The following DDX43 variants were observed in gnomAD, a reference collection of about 807,000 sequenced individuals.
The protein encoded by DDX43 is probable ATP-dependent RNA helicase DDX43.
In DDX43, 50 loss-of-function variants were observed where a neutral mutation model predicts 84.9. That is an observed-to-expected ratio of 0.59 (90% confidence interval 0.47 to 0.75). The LOEUF is 0.75. Ranked by LOEUF, DDX43 falls within the 30% of genes least tolerant of loss-of-function variation. DDX43 has a pLI of 0.00. For synonymous variants in DDX43, 291 were observed against 266.3 expected (o/e 1.09, Z -0.90); for missense variants, 689 against 798.6 (o/e 0.86, Z 1.65).
Position 73,406,479 on chromosome 6 carries a change from C to G in DDX43, c.923C>G (p.Pro308Arg). ...GGATTTATTCATCTGGTCCTTCAACCCAGGTAAGAATTCCTATGGCTGGTT... is the reference window on the plus strand; with the variant it reads ...GGATTTATTCATCTGGTCCTTCAACGCAGGTAAGAATTCCTATGGCTGGTT... ...MPGFIHLVLQ[P>R]SLKGQRNRPG... is the part of the protein sequence containing the mutation. Residue 308 changes from proline (P) to arginine (R), a missense_variant, in exon 7 of 17, where the codon CCC (proline) becomes CGC (arginine). Around this residue, in one of 2 missense-constraint regions of DDX43, gnomAD observed 552 missense variants for 692.7 expected, o/e 0.80. Coordinates refer to ENST00000370336, the MANE Select transcript of DDX43 (RefSeq NM_018665.3). 6.3e-7 allele frequency: 1 copy of G among 1,595,600 alleles called. No individual in the cohort carries two copies. Among genetic ancestry groups the G allele is most frequent in the Non-Finnish European group, 8.6e-7 (1 of 1,164,078 alleles).
At chr6:73,400,167 G>A in intron 2 of DDX43, 67 bp from the exon 3 acceptor site, 1 of 1,413,582 alleles carries the variant, frequency 7.1e-7, no homozygotes, top group Non-Finnish European at 9.6e-7. Context: ...GGGGTTAGGG[G>A]CTTAGGGAAC....
Position 73,416,184 on chromosome 6 carries a change from A to G in DDX43, c.1905A>G (p.Arg635=). ...ATCAACAGAAAAGGGAAATGGAAAG[A>G]AAAATGGAAAGACCTCAAGGAAGGC... The part of the protein sequence containing the change: ...KAHQQKREME[R]KMERPQGRPK... Residue 635 remains arginine (R), a synonymous_variant, in exon 16 of 17, where the codon AGA becomes AGG. Coordinates refer to ENST00000370336, the MANE Select transcript of DDX43 (RefSeq NM_018665.3). 1 of 1,598,502 alleles carries G rather than the reference A, an allele frequency of 6.3e-7. No homozygotes were observed. Among genetic ancestry groups the G allele is most frequent in the Non-Finnish European group, 8.6e-7 (1 of 1,165,666 alleles).
At chr6:73,407,863 G>T (rs1769712371) in intron 8 of DDX43, 97 bp from the exon 9 acceptor site, 1 of 1,216,668 alleles carries the variant, frequency 8.2e-7, no homozygotes, top group Non-Finnish European at 1.2e-6. Context: ...ACCCCTAAAG[G>T]TACCTGATAA....
chr6:73,403,207 G>A lies in DDX43; in HGVS notation c.568+1217G>A, dbSNP rs139631047. 5.1e-3 allele frequency among the ~76,000 whole-genome samples: 773 copies of A among 152,240 alleles called. 10 individuals carry two copies. Among genetic ancestry groups the A allele is most frequent in the African/African-American group, 0.018 (736 of 41,574 alleles). ...AGTTAGGCCGGGCCCAGTGGCTCAC[G>A]CCTGTAATCCCAGCACTTTGGGAGG... On this transcript the variant is annotated intron_variant, in intron 4 of 16. Coordinates refer to ENST00000370336, the MANE Select transcript of DDX43 (RefSeq NM_018665.3).
In DDX43 at chr6:73,416,211, C is replaced by A. The variant is rs750464421; in HGVS notation, c.1932C>A (p.Pro644=). The change falls in exon 16 of 17, where the codon CCC becomes CCA. Residue 644 remains proline (P), a synonymous_variant. Coordinates refer to ENST00000370336, the MANE Select transcript of DDX43 (RefSeq NM_018665.3). ...AAATGGAAAGACCTCAAGGAAGGCC[C>A]AAGAAGTTTCATTAATGTCTTCTGT... The part of the protein sequence containing the change: ...ERKMERPQGR[P]KKFH 5.1e-6 allele frequency: 8 copies of A among 1,578,310 alleles called. No homozygotes were observed. Among genetic ancestry groups the A allele is most frequent in the Middle Eastern group, 1.7e-4 (1 of 6,022 alleles).
rs765845047 is a variant in DDX43 at position 73,414,732 on chromosome 6, C to T, written c.1745+46C>T. 2.5e-5 allele frequency: 38 copies of T among 1,528,028 alleles called. 1 individual carries two copies. In the Admixed American group the frequency reaches 7.8e-4, roughly 31 times the overall value. 94.7% of individuals were successfully genotyped at this position (1,528,028 alleles called of 1,614,324 possible). A position where few individuals can be genotyped will look rare whatever the true frequency, so the allele number is the denominator to read the frequency against. ...CATGAAAGGCCAATTCTAGATTCTCCTTATTCCTCTCACAAACTTCTTGCC... is the reference window on the plus strand; with the variant it reads ...CATGAAAGGCCAATTCTAGATTCTCTTTATTCCTCTCACAAACTTCTTGCC... On this transcript the variant is annotated intron_variant, in intron 14 of 16. Transcript: ENST00000370336.
At chr6:73,412,669 G>GCGCA (rs1554236168) in intron 11 of DDX43, among the ~76,000 whole-genome samples, 1 of 29,190 alleles carries the variant, frequency 3.4e-5, no homozygotes, top group Non-Finnish European at 9.1e-5. Flanking sequence ...GTGTGTGTGT[G>GCGCA]CGCGCGCGCG....
chr6:73,406,535 AT>A, intron 7 of DDX43, 53 bp downstream of exon 7: 2 of 1,149,432 alleles, frequency 1.7e-6, no homozygotes, highest in Non-Finnish European at 2.6e-6. Context: ...AGATTTAGAT[AT>A]CAAAAATGTA....
chr6:73,415,706 T>A (rs1294401308), intron 15 of DDX43, 122 bp downstream of exon 15: 5 of 655,984 alleles, frequency 7.6e-6, no homozygotes, highest in Admixed American at 2.9e-5. Context: ...TTTTGAGGGC[T>A]TTAGCATGGC....
chr6:73,403,666 T>G (rs1189019095), intron 4 of DDX43, among the ~76,000 whole-genome samples: 1 of 152,144 alleles, frequency 6.6e-6, no homozygotes, highest in Non-Finnish European at 1.5e-5. Context: ...TTATTAAATT[T>G]TTTTTGAGGG....
rs562913361 is a variant in DDX43, at chr6:73,411,003, G to A, written c.1281-1202G>A. Among the ~76,000 whole-genome samples, 10 of 151,866 alleles carry A rather than the reference G, an allele frequency of 6.6e-5. 1 individual carries two copies. In the East Asian group the frequency reaches 1.8e-3, roughly 27 times the overall value. On this transcript the variant is annotated intron_variant, in intron 10 of 16. Coordinates refer to ENST00000370336, the MANE Select transcript of DDX43 (RefSeq NM_018665.3). ...AGATCGAGACCATCCTGGCTAACAC[G>A]GTGAAACCCCGTCTCTACTAAATTT...
chr6:73,397,036 C>A (rs1001595954), intron 1 of DDX43, among the ~76,000 whole-genome samples: 5 of 152,144 alleles, frequency 3.3e-5, no homozygotes, highest in African/African-American at 1.2e-4. Flanking sequence ...TGCAATATAT[C>A]TTTGAGACTC....
At chr6:73,395,346 T>C (rs1434090598) in intron 1 of DDX43, among the ~76,000 whole-genome samples, 191 bp downstream of exon 1, 1 of 152,212 alleles carries the variant, frequency 6.6e-6, no homozygotes, top group South Asian at 2.1e-4. Context: ...GGCTCACGCC[T>C]GTAATCCCAG....
intron 4 of DDX43, among the ~76,000 whole-genome samples, chr6:73,403,284 A>G (rs1413759009): frequency 5.3e-5 from 8 of 152,176 alleles, no homozygotes; most frequent in Non-Finnish European, 7.3e-5. Context: ...AGCCTGGGCA[A>G]TATGGTGAAA....
Position 73,413,640 on chromosome 6 carries a change from G to T in DDX43, c.1369-18G>T, listed in dbSNP as rs9442907. The T allele has an allele frequency of 6.2e-7, 1 of 1,609,622 alleles. No homozygotes were observed. Among genetic ancestry groups the T allele is most frequent in the Non-Finnish European group, 8.5e-7 (1 of 1,178,472 alleles). ...AATCATGATGACCTTGATGAACTAT[G>T]TTCTTTGAATCCTTTAGGCTGTAAG... On this transcript the variant is annotated intron_variant, in intron 11 of 16. Transcript: ENST00000370336.
chr6:73,412,669 G>GTGTGTGTGTGTGTGCA (rs1491262351), intron 11 of DDX43, among the ~76,000 whole-genome samples: 2 of 29,190 alleles, frequency 6.9e-5, no homozygotes, highest in Admixed American at 3.3e-4. Flanking sequence ...GTGTGTGTGT[G>GTGTGTGTGTGTGTGCA]CGCGCGCGCG....
In DDX43 at chr6:73,394,918, G is replaced by A; in HGVS notation, c.13G>A (p.Gly5Arg). 1.2e-6 allele frequency: 2 copies of A among 1,614,214 alleles called. No individual in the cohort carries two copies. The highest frequency in any genetic ancestry group is 1.7e-6 in the Non-Finnish European group (2 of 1,180,020). MSHH[G>R]GAPKASTWVV... ...CCTTCTTGGAACAATGTCCCACCAC[G>A]GAGGAGCTCCCAAGGCCTCTACGTG... Residue 5 changes from glycine (G) to arginine (R), a missense_variant, in exon 1 of 17, where the codon GGA becomes AGA. Gly to Arg is a moderately radical substitution (Grantham distance 125, BLOSUM62 -2). This residue lies in a region of DDX43 where 137 missense variants were observed against 105.9 expected (regional missense o/e 1.29). Transcript: ENST00000370336.
rs764993975 is a variant in DDX43, at chr6:73,394,951, G to C, written c.46G>C (p.Ala16Pro). The C allele has an allele frequency of 3.1e-6, 5 of 1,614,152 alleles. No individual in the cohort carries two copies. The highest frequency in any genetic ancestry group is 1.3e-5 in the African/African-American group (1 of 74,952). Residue 16 changes from alanine to proline, a missense_variant, in exon 1 of 17, where the codon GCT (alanine) becomes CCT (proline). Coordinates refer to ENST00000370336, the MANE Select transcript of DDX43 (RefSeq NM_018665.3). Reference sequence around the variant, plus strand: ...TCCCAAGGCCTCTACGTGGGTCGTTGCTAGTCGGCGAAGCTCGACAGTGTC... The same window carrying C: ...TCCCAAGGCCTCTACGTGGGTCGTTCCTAGTCGGCGAAGCTCGACAGTGTC... The part of the protein sequence containing the change: ...GAPKASTWVV[A>P]SRRSSTVSRA...
In DDX43 at chr6:73,398,985, G is replaced by A. The variant is rs539426152; in HGVS notation, c.306+1241G>A. The stretch of plus-strand genomic sequence containing the variant: ...TTTTGAGACGGAGTCTTGCTCTGTC[G>A]CCCAGGCTGAAGTGCACTGGTGTGC... On this transcript the variant is annotated intron_variant, in intron 2 of 16. Transcript: ENST00000370336. Among the ~76,000 whole-genome samples the A allele has an allele frequency of 1.3e-3, 203 of 151,998 alleles. 1 individual carries two copies. The highest frequency in any genetic ancestry group is 4.7e-3 in the African/African-American group (194 of 41,448).
Sources: gnomAD v4.1 joint callset for allele counts (sites outside exome capture counted in the v4.1 genomes callset) on GRCh38, gnomAD v4.1.1 for gene constraint, gnomAD v4.1.1 regional missense constraint, MANE v1.5 for transcripts, NCBI Gene and HGNC (gene_info 2026-07-23, HGNC 2026-07-21) for gene names.